Variants in WDPCP observed in about 807,000 individuals in gnomAD.
WDPCP encodes WD repeat containing planar cell polarity effector, also known as WD repeat-containing and planar cell polarity effector protein fritz homolog.
In WDPCP, 71 loss-of-function variants were observed where a neutral mutation model predicts 93.1. The observed-to-expected ratio is 0.76, with a 90% CI of 0.63 to 0.93. The LOEUF is 0.93. Ranked by LOEUF, WDPCP falls within the 40% of genes least tolerant of loss-of-function variation. WDPCP has a pLI of 0.00. For missense variants in WDPCP, 844 were observed against 887.4 expected (o/e 0.95, Z 0.62); for synonymous variants, 315 against 315.0 (o/e 1.00, Z 0.00).
intron 1 of WDPCP, among the ~76,000 whole-genome samples, chr2:63,825,058 G>T (rs1671092302): frequency 6.6e-6 from 1 of 152,040 alleles, no homozygotes; most frequent in Non-Finnish European, 1.5e-5. Context: ...AATAAATTTG[G>T]GCGCGAGATA....
intron 2 of WDPCP, among the ~76,000 whole-genome samples, chr2:63,807,032 T>C (rs928706730): frequency 9.2e-5 from 14 of 152,266 alleles, no homozygotes; most frequent in Middle Eastern, 3.4e-3. Flanking sequence ...AGGGTATTGA[T>C]TGGGGAAGTG....
intron 12 of WDPCP, among the ~76,000 whole-genome samples, chr2:63,350,381 T>C (rs1445268092): frequency 6.6e-6 from 1 of 151,782 alleles, no homozygotes; most frequent in African/African-American, 2.4e-5. Context: ...ATGGCACATG[T>C]ATACCTATGT....
intron 17 of WDPCP, among the ~76,000 whole-genome samples, chr2:63,132,062 C>G (rs1346835689): frequency 1.3e-5 from 2 of 151,948 alleles, no homozygotes; most frequent in East Asian, 1.9e-4. Context: ...TCTTGAACTC[C>G]TGATCTCAAG....
intron 1 of WDPCP, among the ~76,000 whole-genome samples, chr2:63,522,455 G>GACACACACACACACACACAC (rs112008719): frequency 3.1e-5 from 4 of 127,216 alleles, no homozygotes; most frequent in African/African-American, 6.0e-5. Context: ...CAGACAGACA[G>GACACACACACACACACACAC]ACACACACAC....
chr2:63,628,103 G>A (rs1414273258), intron 3 of WDPCP, among the ~76,000 whole-genome samples: 2 of 152,196 alleles, frequency 1.3e-5, no homozygotes, highest in African/African-American at 4.8e-5. Flanking sequence ...TAGGGGTTGA[G>A]AGCTGTGGGC....
chr2:63,333,978 C>G (rs556921751), intron 12 of WDPCP, among the ~76,000 whole-genome samples: 3 of 152,262 alleles, frequency 2.0e-5, no homozygotes, highest in African/African-American at 7.2e-5. Context: ...TGTTCTTTTT[C>G]AAGATTGTTG....
intron 8 of WDPCP, among the ~76,000 whole-genome samples, chr2:63,436,570 C>T (rs931341339): frequency 3.3e-5 from 5 of 152,082 alleles, no homozygotes; most frequent in Non-Finnish European, 7.4e-5. Flanking sequence ...GCTCTTGCTA[C>T]AGATGCTCTA....
intron 2 of WDPCP, chr2:63,684,475 G>T: frequency 1.3e-6 from 1 of 776,148 alleles, no homozygotes; most frequent in Non-Finnish European, 2.3e-6. Flanking sequence ...TAGCTGTCAT[G>T]GGCAAGAAGA....
intron 1 of WDPCP, among the ~76,000 whole-genome samples, chr2:63,573,393 T>C (rs1707684725): frequency 6.6e-6 from 1 of 152,172 alleles, no homozygotes; most frequent in African/African-American, 2.4e-5. Context: ...TTCATGGACA[T>C]TTATTAGTTC....
chr2:63,257,887 A>G (rs1353476855), intron 14 of WDPCP, among the ~76,000 whole-genome samples: 2 of 152,194 alleles, frequency 1.3e-5, no homozygotes, highest in Non-Finnish European at 2.9e-5. Context: ...GGCAGGGTAC[A>G]GGACAACTAA....
intron 17 of WDPCP, among the ~76,000 whole-genome samples, chr2:63,136,960 T>C (rs1475923325): frequency 2.0e-5 from 3 of 152,218 alleles, no homozygotes; most frequent in African/African-American, 7.2e-5. Context: ...CTGTCTATTA[T>C]TGATGGGCAT....
intron 2 of WDPCP, among the ~76,000 whole-genome samples, chr2:63,778,212 TTTTTTG>T (rs1414451762): frequency 8.2e-6 from 1 of 121,444 alleles, no homozygotes; most frequent in African/African-American, 4.3e-5. Context: ...TTGTTTTTTG[TTTTTTG>T]TTTTTTTGAG....
chr2:63,212,299 T>G (rs1211995883), intron 14 of WDPCP, among the ~76,000 whole-genome samples: 1 of 151,832 alleles, frequency 6.6e-6, no homozygotes, highest in Non-Finnish European at 1.5e-5. Flanking sequence ...CAGAAGAGAG[T>G]GGGGGCCAAT....
intron 1 of WDPCP, among the ~76,000 whole-genome samples, chr2:63,501,591 A>G (rs915546140): frequency 3.9e-5 from 6 of 152,114 alleles, no homozygotes; most frequent in African/African-American, 1.4e-4. Flanking sequence ...TTTTAAATGC[A>G]TTAGGCCTCT....
At chr2:63,214,625 C>G (rs990438905) in intron 14 of WDPCP, among the ~76,000 whole-genome samples, 1 of 152,136 alleles carries the variant, frequency 6.6e-6, no homozygotes, top group Admixed American at 6.5e-5. Flanking sequence ...CTGGCCAGGG[C>G]AGTCAGGCAA....
chr2:63,239,144 A>G (rs1679657322), intron 14 of WDPCP, among the ~76,000 whole-genome samples: 4 of 152,236 alleles, frequency 2.6e-5, no homozygotes, highest in Admixed American at 1.3e-4. Flanking sequence ...GAAATAGATC[A>G]GCTTTAAATT....
intron 1 of WDPCP, among the ~76,000 whole-genome samples, chr2:63,583,079 G>A (rs1708599447): frequency 6.6e-6 from 1 of 152,182 alleles, no homozygotes; most frequent in Non-Finnish European, 1.5e-5. Context: ...TAACGATGAT[G>A]TTGTATGGGG....
chr2:63,764,337 G>A (rs1670106460), intron 2 of WDPCP, among the ~76,000 whole-genome samples: 1 of 152,080 alleles, frequency 6.6e-6, no homozygotes, highest in African/African-American at 2.4e-5. Context: ...GCCAGTCAAG[G>A]GCTAGCCTGT....
At chr2:63,384,847 C>T (rs1027494823) in intron 10 of WDPCP, among the ~76,000 whole-genome samples, 6 of 151,570 alleles carry the variant, frequency 4.0e-5, no homozygotes, top group Non-Finnish European at 5.9e-5. Flanking sequence ...ATTACACTGA[C>T]ACCAAAAATG....
Sources: allele counts gnomAD v4.1 joint callset (sites outside exome capture counted in the v4.1 genomes callset), GRCh38; gene constraint gnomAD v4.1.1; transcripts MANE v1.5; gene names NCBI Gene and HGNC (gene_info 2026-07-23, HGNC 2026-07-21).